Variants in WWOX observed in about 807,000 individuals in gnomAD.
WWOX encodes WW domain-containing oxidoreductase.
WWOX carries 69 observed loss-of-function variants against 46.2 expected under a neutral mutation model. The observed-to-expected ratio is 1.49, with a 90% CI of 1.23 to 1.82. The LOEUF (loss-of-function observed/expected upper bound fraction) is 1.82, where lower values mean the gene tolerates loss of function less well. Among genes scored for constraint, WWOX ranks in the 40% most tolerant of loss-of-function variants. The pLI is 0.00. For missense variants in WWOX, 919 were observed against 542.6 expected (o/e 1.69, Z -6.89); for synonymous variants, 359 against 202.6 (o/e 1.77, Z -6.56).
In WWOX at chr16:79,046,144, G is replaced by T. The variant is rs574308515; in HGVS notation, c.1057-165464G>T. On this transcript the variant is annotated intron_variant, in intron 8 of 8. Coordinates refer to ENST00000566780, the MANE Select transcript of WWOX (RefSeq NM_016373.4). ...ATTGTAGGGATAATAATCCTCCCTT[G>T]CAGGACTGTGCTCAGCACATGTTCA... 4.7e-4 allele frequency among the ~76,000 whole-genome samples: 72 copies of T among 152,256 alleles called. No homozygotes were observed. The South Asian group carries it at 0.011, about 23-fold the overall frequency.
At chr16:78,696,755 A>C (rs1486877356) in intron 8 of WWOX, among the ~76,000 whole-genome samples, 1 of 152,020 alleles carries the variant, frequency 6.6e-6, no homozygotes, top group African/African-American at 2.4e-5. Flanking sequence ...ACTTTGGTGC[A>C]CCCATCACTC....
At chr16:78,533,249 T>C (rs1007884550) in intron 8 of WWOX, among the ~76,000 whole-genome samples, 16 of 152,160 alleles carry the variant, frequency 1.1e-4, no homozygotes, top group African/African-American at 3.6e-4. Flanking sequence ...GAAGGAAAAT[T>C]AGAAAACTTT....
At chr16:78,877,854 C>T (rs1008677060) in intron 8 of WWOX, among the ~76,000 whole-genome samples, 6 of 152,190 alleles carry the variant, frequency 3.9e-5, no homozygotes, top group Admixed American at 6.5e-5. Flanking sequence ...GTTTTATATA[C>T]ATTTTATAGC....
At chr16:78,901,055 C>G (rs991405932) in intron 8 of WWOX, among the ~76,000 whole-genome samples, 17 of 152,158 alleles carry the variant, frequency 1.1e-4, no homozygotes, top group African/African-American at 4.1e-4. Context: ...TCAGACCCAA[C>G]CCTTGTATCA....
chr16:78,323,032 ACT>A (rs1315110697), intron 5 of WWOX, among the ~76,000 whole-genome samples: 3 of 151,978 alleles, frequency 2.0e-5, no homozygotes, highest in Admixed American at 6.5e-5. Flanking sequence ...ACAGAATGAG[ACT>A]CTGTCTCAAA....
In WWOX at chr16:78,676,545, T is replaced by G. The variant is rs2047604629; in HGVS notation, c.1056+243793T>G. Among the ~76,000 whole-genome samples the G allele has an allele frequency of 3.9e-5, 6 of 152,152 alleles. No homozygotes were observed. The South Asian group carries it at 1.2e-3, about 32-fold the overall frequency. On this transcript the variant is annotated intron_variant, in intron 8 of 8. Coordinates refer to ENST00000566780, the MANE Select transcript of WWOX (RefSeq NM_016373.4). ...TTGTTCCAACTCAAAGTCTACAGTCTAAAATCATCATCATGTATTTTCATC... is the reference window on the plus strand; with the variant it reads ...TTGTTCCAACTCAAAGTCTACAGTCGAAAATCATCATCATGTATTTTCATC...
chr16:79,000,823 C>T (rs2047078126), intron 8 of WWOX, among the ~76,000 whole-genome samples: 1 of 152,188 alleles, frequency 6.6e-6, no homozygotes, highest in Non-Finnish European at 1.5e-5. Context: ...CTCCAGCCTT[C>T]CCCATTGACT....
chr16:78,506,820 C>G (rs1286484202), intron 8 of WWOX, among the ~76,000 whole-genome samples: 1 of 148,708 alleles, frequency 6.7e-6, no homozygotes, highest in African/African-American at 2.5e-5. Flanking sequence ...TTAAGTGATT[C>G]TCCTGCCTCA....
chr16:78,685,566 C>G (rs1021192621), intron 8 of WWOX, among the ~76,000 whole-genome samples: 1 of 152,208 alleles, frequency 6.6e-6, no homozygotes, highest in Non-Finnish European at 1.5e-5. Context: ...TGTTGAGAAT[C>G]TAGTCAATCT....
chr16:78,566,161 C>CT (rs2044559587), intron 8 of WWOX, among the ~76,000 whole-genome samples: 1 of 152,212 alleles, frequency 6.6e-6, no homozygotes, highest in Non-Finnish European at 1.5e-5. Context: ...GAACCTTTCT[C>CT]TTATAAGGAT....
At chr16:78,860,564 G>A (rs2052692584) in intron 8 of WWOX, among the ~76,000 whole-genome samples, 1 of 152,160 alleles carries the variant, frequency 6.6e-6, no homozygotes, top group Non-Finnish European at 1.5e-5. Flanking sequence ...AAGATACTGT[G>A]AAAAAGAAAA....
intron 8 of WWOX, among the ~76,000 whole-genome samples, chr16:79,044,150 C>T (rs1000166981): frequency 5.9e-5 from 9 of 152,186 alleles, no homozygotes; most frequent in African/African-American, 9.7e-5. Flanking sequence ...GAATCCCAAA[C>T]AGCAAATGTT....
intron 8 of WWOX, among the ~76,000 whole-genome samples, chr16:78,910,126 C>T (rs1353950422): frequency 6.6e-6 from 1 of 151,736 alleles, no homozygotes; most frequent in African/African-American, 2.4e-5. Flanking sequence ...TTAAATATTC[C>T]TCGTCTGTCC....
chr16:78,215,110 A>G (rs1272873167), intron 5 of WWOX, among the ~76,000 whole-genome samples: 1 of 151,988 alleles, frequency 6.6e-6, no homozygotes, highest in Non-Finnish European at 1.5e-5. Context: ...GGAAGATTGC[A>G]TGATATTTCT....
intron 8 of WWOX, among the ~76,000 whole-genome samples, chr16:78,509,242 C>G (rs969285334): frequency 1.3e-5 from 2 of 152,182 alleles, no homozygotes; most frequent in African/African-American, 4.8e-5. Flanking sequence ...AATTCAAGAC[C>G]AGCCTGGCCA....
At position 79,139,651 on chromosome 16, in the gene WWOX, C is replaced by G. The variant is rs183349587; in HGVS notation, c.1057-71957C>G. Among the ~76,000 whole-genome samples, 1,096 of 151,672 alleles carry G rather than the reference C, an allele frequency of 7.2e-3. 5 individuals carry two copies. The highest frequency in any genetic ancestry group is 0.012 in the Non-Finnish European group (804 of 67,986). On this transcript the variant is annotated intron_variant, in intron 8 of 8. Coordinates refer to ENST00000566780, the MANE Select transcript of WWOX (RefSeq NM_016373.4). ...GATCACAGAAGAAAAGCAGGCCGATCTTGTTGAAATGTTTTTAAAATCTCC... is the reference window on the plus strand; with the variant it reads ...GATCACAGAAGAAAAGCAGGCCGATGTTGTTGAAATGTTTTTAAAATCTCC...
chr16:79,023,682 G>A (rs1317946089), intron 8 of WWOX, among the ~76,000 whole-genome samples: 1 of 152,092 alleles, frequency 6.6e-6, no homozygotes, highest in Non-Finnish European at 1.5e-5. Flanking sequence ...CACTTTGGGA[G>A]GCTGAGGCAG....
intron 5 of WWOX, among the ~76,000 whole-genome samples, chr16:78,175,513 C>G (rs1457211868): frequency 1.3e-5 from 2 of 152,162 alleles, no homozygotes; most frequent in Non-Finnish European, 2.9e-5. Context: ...TTCTTGCTCA[C>G]TCTCTTGGAT....
chr16:78,904,525 C>T (rs2044911626), intron 8 of WWOX, among the ~76,000 whole-genome samples: 1 of 152,108 alleles, frequency 6.6e-6, no homozygotes, highest in South Asian at 2.1e-4. Flanking sequence ...GCATGAGCCA[C>T]CGGCCTGGCC....
Sources: gnomAD v4.1 joint callset for allele counts (sites outside exome capture counted in the v4.1 genomes callset) on GRCh38, gnomAD v4.1.1 for gene constraint, MANE v1.5 for transcripts, NCBI Gene and HGNC (gene_info 2026-07-23, HGNC 2026-07-21) for gene names.